The following OTUD7A variants were observed in gnomAD, a reference collection of about 807,000 sequenced individuals.
OTUD7A encodes the protein OTU deubiquitinase 7A, also known as OTU domain-containing protein 7A.
A neutral mutation model predicts 65.7 loss-of-function variants in OTUD7A; 12 were observed. The ratio of observed to expected loss-of-function variants is 0.18; its 90% CI spans 0.12 to 0.30. The LOEUF is 0.30. Ranked by LOEUF, OTUD7A falls within the 10% of genes least tolerant of loss-of-function variation. The probability of loss-of-function intolerance (pLI) is 1.00; values close to 1 mark genes in which losing one functional copy is unlikely to be tolerated. For missense variants in OTUD7A, 1,148 were observed against 1,304.8 expected (o/e 0.88, Z 1.85); for synonymous variants, 641 against 586.3 (o/e 1.09, Z -1.35).
intron 4 of OTUD7A, among the ~76,000 whole-genome samples, chr15:31,560,490 GT>G (rs1348519061): frequency 6.6e-6 from 1 of 152,218 alleles, no homozygotes; most frequent in East Asian, 1.9e-4. Context: ...AAGCACGCTT[GT>G]TTTTATAAGC....
At chr15:31,510,238 C>CGT (rs1419218767) in intron 8 of OTUD7A, among the ~76,000 whole-genome samples, 2 of 152,138 alleles carry the variant, frequency 1.3e-5, no homozygotes, top group African/African-American at 4.8e-5. Context: ...TGTCGTTAGT[C>CGT]GTAAGAGTTA....
chr15:31,753,705 T>TATAACCTGTG (rs1567004902), intron 1 of OTUD7A, among the ~76,000 whole-genome samples: 36 of 78,378 alleles, frequency 4.6e-4, no homozygotes, highest in African/African-American at 3.1e-3. Flanking sequence ...ATATATATTA[T>TATAACCTGTG]ATATATATAT....
At chr15:31,541,282 G>A (rs1460949927) in intron 5 of OTUD7A, among the ~76,000 whole-genome samples, 1 of 152,170 alleles carries the variant, frequency 6.6e-6, no homozygotes, top group African/African-American at 2.4e-5. Flanking sequence ...TGGCCTTTAG[G>A]TGTTAAGCCT....
chr15:31,741,323 A>T (rs1042474755), intron 1 of OTUD7A, among the ~76,000 whole-genome samples: 1 of 152,190 alleles, frequency 6.6e-6, no homozygotes, highest in Non-Finnish European at 1.5e-5. Flanking sequence ...CAACTTCATA[A>T]TTTTTTAAAA....
At position 31,583,342 on chromosome 15, in the gene OTUD7A, C is replaced by A. The variant is rs117422255; in HGVS notation, c.152-13145G>T. Among the ~76,000 whole-genome samples, 22 of 152,312 alleles carry A rather than the reference C, an allele frequency of 1.4e-4. No individual in the cohort carries two copies. In the East Asian group the frequency reaches 4.0e-3, roughly 28 times the overall value. The stretch of plus-strand genomic sequence containing the variant: ...GCAGAGGCAGACATGAGATTTGCTG[C>A]AGCTGCCAGGGAAGCTCCTGTGAAG... On this transcript the variant is annotated intron_variant, in intron 3 of 12. Coordinates refer to ENST00000307050, the MANE Select transcript of OTUD7A (RefSeq NM_001382637.1).
At chr15:31,836,324 G>A (rs891562458) in intron 1 of OTUD7A, among the ~76,000 whole-genome samples, 4 of 152,098 alleles carry the variant, frequency 2.6e-5, no homozygotes, top group African/African-American at 9.7e-5. Flanking sequence ...TCTAAAAAAA[G>A]GGTACTTGTA....
intron 1 of OTUD7A, among the ~76,000 whole-genome samples, chr15:31,694,415 C>G (rs1172840168): frequency 3.3e-5 from 5 of 152,322 alleles, no homozygotes; most frequent in African/African-American, 1.2e-4. Flanking sequence ...GCCCCCTTCC[C>G]CCGGGAAACC....
intron 1 of OTUD7A, among the ~76,000 whole-genome samples, chr15:31,676,779 A>G (rs1420056629): frequency 3.9e-5 from 6 of 152,264 alleles, no homozygotes; most frequent in Non-Finnish European, 8.8e-5. Context: ...AAAGGACCAC[A>G]TTATAAAATT....
intron 1 of OTUD7A, among the ~76,000 whole-genome samples, chr15:31,870,081 G>A (rs1897985631): frequency 6.7e-6 from 1 of 150,344 alleles, no homozygotes; most frequent in East Asian, 2.0e-4. Flanking sequence ...CTGCCCGGCC[G>A]TCTGCAAGAG....
chr15:31,634,034 G>C (rs1429814010), intron 3 of OTUD7A, among the ~76,000 whole-genome samples: 1 of 152,182 alleles, frequency 6.6e-6, no homozygotes, highest in Non-Finnish European at 1.5e-5. Flanking sequence ...ATCTTGGTAG[G>C]CTAAATAAAT....
At chr15:31,755,654 G>T (rs943893240) in intron 1 of OTUD7A, among the ~76,000 whole-genome samples, 3 of 152,040 alleles carry the variant, frequency 2.0e-5, no homozygotes, top group Non-Finnish European at 4.4e-5. Flanking sequence ...CCCAGGAGGT[G>T]GAGCTTGCAG....
intron 1 of OTUD7A, among the ~76,000 whole-genome samples, chr15:31,858,768 C>T (rs1897644279): frequency 6.6e-6 from 1 of 152,196 alleles, no homozygotes; most frequent in African/African-American, 2.4e-5. Flanking sequence ...GTGTTAGCCT[C>T]GGCAGAGTCA....
intron 3 of OTUD7A, among the ~76,000 whole-genome samples, chr15:31,595,664 T>C (rs1889882412): frequency 6.6e-6 from 1 of 152,250 alleles, no homozygotes; most frequent in Non-Finnish European, 1.5e-5. Context: ...AGGCTGGATG[T>C]CCAGTAGGCT....
chr15:31,564,079 C>T (rs958732), intron 4 of OTUD7A, among the ~76,000 whole-genome samples: 91,660 of 151,736 alleles, frequency 0.6, 30,046 homozygotes, highest in East Asian at 0.91. Context: ...ATAATAATAA[C>T]AATAATAAAG....
At chr15:31,545,990 T>C (rs548761474) in intron 5 of OTUD7A, among the ~76,000 whole-genome samples, 1 of 152,340 alleles carries the variant, frequency 6.6e-6, no homozygotes, top group South Asian at 2.1e-4. Flanking sequence ...GAATTTGCTG[T>C]GTGCCAAATA....
chr15:31,869,987 G>C (rs897113284), intron 1 of OTUD7A, among the ~76,000 whole-genome samples: 4 of 151,932 alleles, frequency 2.6e-5, no homozygotes, highest in Non-Finnish European at 5.9e-5. Context: ...CGAGCGGGAC[G>C]GCGGTGCGCC....
At chr15:31,746,886 C>T (rs1471826939) in intron 1 of OTUD7A, among the ~76,000 whole-genome samples, 1 of 152,164 alleles carries the variant, frequency 6.6e-6, no homozygotes, top group African/African-American at 2.4e-5. Context: ...TGGAACAGGG[C>T]ACAGTGAAGC....
chr15:31,566,989 T>C (rs745962323), intron 4 of OTUD7A, among the ~76,000 whole-genome samples: 14 of 152,174 alleles, frequency 9.2e-5, no homozygotes, highest in Non-Finnish European at 1.8e-4. Context: ...TATTTCTTCA[T>C]AGCAATGCAA....
chr15:31,767,006 T>C, intron 1 of OTUD7A: 1 of 1,611,010 alleles, frequency 6.2e-7, no homozygotes, highest in Non-Finnish European at 8.5e-7. Flanking sequence ...ATTATGTCAT[T>C]AGCACTCACT....
Sources: gnomAD v4.1 joint callset for allele counts (sites outside exome capture counted in the v4.1 genomes callset) on GRCh38, gnomAD v4.1.1 for gene constraint, MANE v1.5 for transcripts, NCBI Gene and HGNC (gene_info 2026-07-23, HGNC 2026-07-21) for gene names.